The following MEI4 variants were observed in gnomAD, a reference collection of about 807,000 sequenced individuals.
MEI4 encodes meiosis-specific protein MEI4.
Under a neutral mutation model 31.4 loss-of-function variants are expected in MEI4, and 27 were observed. The observed-to-expected ratio is 0.86, with a 90% confidence interval of 0.63 to 1.19. The LOEUF is 1.19. MEI4 is among the 50% of genes most tolerant of loss of function. The pLI is 0.00. For synonymous variants in MEI4, 122 were observed against 145.4 expected (o/e 0.84, Z 1.16); for missense variants, 329 against 398.9 (o/e 0.82, Z 1.49).
chr6:77,652,741 T>C (rs1295793831), upstream of MEI4, among the ~76,000 whole-genome samples: 4 of 152,134 alleles, frequency 2.6e-5, no homozygotes, highest in Non-Finnish European at 5.9e-5. Flanking sequence ...TCATGTTAAG[T>C]TATTCAGCTA....
intron 2 of MEI4, among the ~76,000 whole-genome samples, chr6:77,721,177 TG>T (rs1323542420): frequency 3.3e-5 from 4 of 120,864 alleles, no homozygotes; most frequent in Non-Finnish European, 7.0e-5. Flanking sequence ...TTTTAAGAAC[TG>T]GAAGATCTTT....
chr6:77,894,524 G>A (rs1039904143), intron 4 of MEI4, among the ~76,000 whole-genome samples: 13 of 151,882 alleles, frequency 8.6e-5, no homozygotes, highest in African/African-American at 2.4e-4. Flanking sequence ...TGATTGTATC[G>A]AATTAGTGAT....
At chr6:77,875,488 A>G (rs1242629309) in intron 4 of MEI4, among the ~76,000 whole-genome samples, 1 of 152,226 alleles carries the variant, frequency 6.6e-6, no homozygotes, top group African/African-American at 2.4e-5. Flanking sequence ...TAAAAGATAT[A>G]GGACCCTTCA....
At chr6:77,789,776 G>A (rs976142559) in intron 3 of MEI4, among the ~76,000 whole-genome samples, 3 of 152,148 alleles carry the variant, frequency 2.0e-5, no homozygotes, top group African/African-American at 7.2e-5. Flanking sequence ...AGAGGATGTG[G>A]AGAAATAGGA....
chr6:77,845,718 TATG>T (rs1442135129), intron 4 of MEI4, among the ~76,000 whole-genome samples: 6 of 152,280 alleles, frequency 3.9e-5, no homozygotes, highest in East Asian at 1.9e-4. Flanking sequence ...CTACTTTTAT[TATG>T]TATTTTAATA....
intron 4 of MEI4, among the ~76,000 whole-genome samples, chr6:77,873,150 T>C (rs1203504622): frequency 6.6e-6 from 1 of 152,208 alleles, no homozygotes; most frequent in African/African-American, 2.4e-5. Flanking sequence ...ATGGTATTTC[T>C]AGTTCTAGAT....
chr6:77,696,267 G>T (rs1766039517), intron 2 of MEI4, among the ~76,000 whole-genome samples: 1 of 152,090 alleles, frequency 6.6e-6, no homozygotes, highest in South Asian at 2.1e-4. Flanking sequence ...TCCTTCTCCT[G>T]CCTGATTGTC....
At chr6:77,775,376 T>C (rs1308558280) in intron 3 of MEI4, among the ~76,000 whole-genome samples, 4 of 152,110 alleles carry the variant, frequency 2.6e-5, no homozygotes, top group African/African-American at 7.2e-5. Context: ...CGTTGTATCA[T>C]TCTTACGCCT....
intron 4 of MEI4, among the ~76,000 whole-genome samples, chr6:77,863,264 C>A (rs1038406559): frequency 6.6e-6 from 1 of 152,092 alleles, no homozygotes; most frequent in Non-Finnish European, 1.5e-5. Context: ...GAGAAGAAGG[C>A]TTCAGATGAT....
At chr6:77,802,633 G>C (rs1769299945) in intron 3 of MEI4, among the ~76,000 whole-genome samples, 1 of 152,138 alleles carries the variant, frequency 6.6e-6, no homozygotes, top group Non-Finnish European at 1.5e-5. Context: ...CATGTGTAGT[G>C]TTTCCTTCAG....
At chr6:77,778,973 A>T (rs1361630943) in intron 3 of MEI4, among the ~76,000 whole-genome samples, 3 of 152,154 alleles carry the variant, frequency 2.0e-5, no homozygotes, top group Admixed American at 6.6e-5. Flanking sequence ...TGTAAGACAG[A>T]TTTGCAAAGC....
rs572680740 is a variant in MEI4, at chr6:77,889,510, A to G, written c.901-33579A>G. On this transcript the variant is annotated intron_variant, in intron 4 of 4. Coordinates refer to ENST00000684080, the MANE Select transcript of MEI4 (RefSeq NM_001322247.2). ...CTGGTGAAAGATATTTCTAAGCAGC[A>G]AATCATTCAAGAGGTGACAGAGTAT... 4.6e-5 allele frequency among the ~76,000 whole-genome samples: 7 copies of G among 152,334 alleles called. No individual in the cohort carries two copies. In the South Asian group the frequency reaches 1.0e-3, roughly 23 times the overall value.
intron 4 of MEI4, among the ~76,000 whole-genome samples, chr6:77,898,753 A>G: frequency 6.6e-6 from 1 of 152,016 alleles, no homozygotes; most frequent in Non-Finnish European, 1.5e-5. Context: ...AACCTCAAAT[A>G]TACAGTCCCC....
intron 1 of MEI4, among the ~76,000 whole-genome samples, chr6:77,675,707 G>A (rs1768831961): frequency 6.6e-6 from 1 of 152,034 alleles, no homozygotes; most frequent in South Asian, 2.1e-4. Flanking sequence ...AGAGTTTAGG[G>A]AGGGAAAACC....
chr6:77,796,168 C>T (rs113274593), intron 3 of MEI4, among the ~76,000 whole-genome samples: 122 of 152,172 alleles, frequency 8.0e-4, no homozygotes, highest in African/African-American at 2.8e-3. Context: ...TGAGAAAATT[C>T]AATATCCTGT....
At chr6:77,798,643 TC>T (rs1304265728) in intron 3 of MEI4, among the ~76,000 whole-genome samples, 1 of 72,056 alleles carries the variant, frequency 1.4e-5, no homozygotes, top group Non-Finnish European at 2.5e-5. Context: ...CCCTCCCCCC[TC>T]CCCCCACCCC....
At chr6:77,853,298 C>T (rs961713521) in intron 4 of MEI4, among the ~76,000 whole-genome samples, 1 of 152,168 alleles carries the variant, frequency 6.6e-6, no homozygotes, top group Non-Finnish European at 1.5e-5. Flanking sequence ...CATAGATTTA[C>T]AGAACATCAA....
chr6:77,850,553 C>G (rs572827417), intron 4 of MEI4, among the ~76,000 whole-genome samples: 18 of 152,200 alleles, frequency 1.2e-4, no homozygotes, highest in Non-Finnish European at 1.5e-4. Context: ...CCCTATTTAA[C>G]AAATGGTGCT....
At chr6:77,726,979 A>T (rs1369670416) in intron 2 of MEI4, among the ~76,000 whole-genome samples, 1 of 152,212 alleles carries the variant, frequency 6.6e-6, no homozygotes, top group Non-Finnish European at 1.5e-5. Context: ...TTTGTTCTTT[A>T]TAAGGACTAA....
Sources: allele counts gnomAD v4.1 joint callset (sites outside exome capture counted in the v4.1 genomes callset), GRCh38; gene constraint gnomAD v4.1.1; transcripts MANE v1.5; gene names NCBI Gene and HGNC (gene_info 2026-07-23, HGNC 2026-07-21).